PKHD1: variants seen among roughly 807,000 people sequenced by gnomAD.
PKHD1 encodes PKHD1 ciliary IPT domain containing fibrocystin/polyductin, also known as fibrocystin.
Under a neutral mutation model 412.0 loss-of-function variants are expected in PKHD1, and 291 were observed. That is an observed-to-expected ratio of 0.71 (90% CI 0.64 to 0.78). PKHD1 has a LOEUF of 0.78. Among genes scored for constraint, PKHD1 ranks in the 30% least tolerant of loss-of-function variants. PKHD1 has a pLI of 0.00. For synonymous variants in PKHD1, 1,777 were observed against 1,821.5 expected, an observed-to-expected ratio of 0.98 and a Z score of 0.62; for missense variants, 4,825 against 4,950.7, an observed-to-expected ratio of 0.97 and a Z score of 0.76.
At chr6:51,871,852 A>T (rs1184529933) in intron 46 of PKHD1, among the ~76,000 whole-genome samples, 1 of 118,022 alleles carries the variant, frequency 8.5e-6, no homozygotes. Context: ...CACTCCCAAC[A>T]TGAAAAATGA....
At chr6:51,920,821 G>A (rs969255564) in intron 37 of PKHD1, among the ~76,000 whole-genome samples, 24 of 152,012 alleles carry the variant, frequency 1.6e-4, no homozygotes, top group African/African-American at 5.8e-4. Context: ...GTCTATTCAG[G>A]GATTCAACTT....
rs985097693 is a variant in PKHD1 at position 51,959,922 on chromosome 6, T to A, written c.5856A>T (p.Gln1952His). Reference sequence around the variant, plus strand: ...TTGTGTTAGTGTCCAGCAGAAGCAATTGGCCATTCTCCACTGTGACGTTGT... The same window carrying A: ...TTGTGTTAGTGTCCAGCAGAAGCAAATGGCCATTCTCCACTGTGACGTTGT... ...DGDNVTVENGQLLLLDTNTSI... is the reference protein window; with the variant it reads ...DGDNVTVENGHLLLLDTNTSI... The change falls in exon 36 of 67, where the codon CAA becomes CAT. Residue 1952 changes from glutamine to histidine, a missense_variant. Gln to His is a conservative substitution (Grantham distance 24, BLOSUM62 0). Transcript: ENST00000371117. The A allele has an allele frequency of 6.2e-7, 1 of 1,613,558 alleles. No individual in the cohort carries two copies. The highest frequency in any genetic ancestry group is 1.3e-5 in the African/African-American group (1 of 74,974).
intron 52 of PKHD1, among the ~76,000 whole-genome samples, chr6:51,825,436 A>C (rs907374086): frequency 6.6e-6 from 1 of 152,134 alleles, no homozygotes; most frequent in South Asian, 2.1e-4. Flanking sequence ...TCCAGCCATC[A>C]TGCTGTGAGG....
At chr6:52,049,632 A>G (rs571549921) in intron 22 of PKHD1, among the ~76,000 whole-genome samples, 159 of 152,312 alleles carry the variant, frequency 1.0e-3, no homozygotes, top group Middle Eastern at 3.4e-3. Context: ...TGCTTTGTAA[A>G]CTGTGGCTAG....
At chr6:51,734,940 T>C (rs1010655129) in intron 60 of PKHD1, among the ~76,000 whole-genome samples, 1 of 152,214 alleles carries the variant, frequency 6.6e-6, no homozygotes, top group Non-Finnish European at 1.5e-5. Flanking sequence ...GATTTTGGTA[T>C]CTGTAGGGGT....
At position 51,883,105 on chromosome 6, in the gene PKHD1, A is replaced by G; in HGVS notation, c.7338T>C (p.His2446=). The G allele has an allele frequency of 1.2e-6, 2 of 1,613,330 alleles. No homozygotes were observed. The highest frequency in any genetic ancestry group is 1.7e-6 in the Non-Finnish European group (2 of 1,179,440). Residue 2446 remains histidine, a synonymous_variant, in exon 46 of 67, where the codon CAT becomes CAC. Transcript: ENST00000371117. The part of the protein sequence containing the change: ...TSVTDSLLLG[H]FAHKGSLCMS... ...CTAAGGCACTTACCTTGTGGGCAAA[A>G]TGACCAAGTAATAAGCTGTCAGTAA...
intron 24 of PKHD1, 25 bp downstream of exon 24, chr6:52,045,979 C>A: frequency 1.3e-6 from 2 of 1,543,518 alleles, no homozygotes; most frequent in Non-Finnish European, 1.8e-6. Context: ...CAAATCCATG[C>A]CACTAGAAGG....
At chr6:51,998,150 C>T (rs916885724) in intron 35 of PKHD1, among the ~76,000 whole-genome samples, 1 of 152,198 alleles carries the variant, frequency 6.6e-6, no homozygotes, top group Non-Finnish European at 1.5e-5. Context: ...TGGCAAATCT[C>T]TTGGACAGAA....
At chr6:52,069,265 C>T (rs1471767775) in intron 11 of PKHD1, among the ~76,000 whole-genome samples, 192 bp downstream of exon 11, 3 of 152,196 alleles carry the variant, frequency 2.0e-5, no homozygotes, top group Non-Finnish European at 4.4e-5. Flanking sequence ...TATCAAGTCT[C>T]TTTTAATATA....
At chr6:51,950,709 C>T (rs949444816) in intron 36 of PKHD1, among the ~76,000 whole-genome samples, 2 of 152,080 alleles carry the variant, frequency 1.3e-5, no homozygotes, top group Non-Finnish European at 2.9e-5. Flanking sequence ...TCTAGGTGTC[C>T]GTAGGCTGGT....
chr6:51,643,394 TA>T (rs67717102), intron 63 of PKHD1, among the ~76,000 whole-genome samples: 59,104 of 148,546 alleles, frequency 0.4, 11,468 homozygotes, highest in East Asian at 0.43. Context: ...ATTAAAAAAA[TA>T]AAAAAAAAAA....
rs538566520 is a variant in PKHD1 at position 51,761,354 on chromosome 6, T to G, written c.8643-6416A>C. Among the ~76,000 whole-genome samples the G allele has an allele frequency of 2.6e-5, 4 of 152,110 alleles. No individual in the cohort carries two copies. The East Asian group carries it at 7.7e-4, about 29-fold the overall frequency. On this transcript the variant is annotated intron_variant, in intron 55 of 66. Coordinates refer to ENST00000371117, the MANE Select transcript of PKHD1 (RefSeq NM_138694.4). ...GAAGACAAATACCACATGATCTCACTTGCATGCAGAATCAAAAAGAGTGGA... is the reference window on the plus strand; with the variant it reads ...GAAGACAAATACCACATGATCTCACGTGCATGCAGAATCAAAAAGAGTGGA...
chr6:52,046,016 G>T lies in PKHD1; in HGVS notation c.2580C>A (p.Pro860=). The change falls in exon 24 of 67, where the codon CCC becomes CCA. Residue 860 remains proline, a synonymous_variant. Coordinates refer to ENST00000371117, the MANE Select transcript of PKHD1 (RefSeq NM_138694.4). ...LSWSTQIGDL[P]NFIRVSDENL... is the part of the protein sequence containing the mutation. ...ATACTATACATACCCTGATAAAATT[G>T]GGCAAATCCCCAATCTGAGTGGACC... 6.2e-7 allele frequency: 1 copy of T among 1,612,124 alleles called. No homozygotes were observed. Among genetic ancestry groups the T allele is most frequent in the Non-Finnish European group, 8.5e-7 (1 of 1,178,600 alleles).
chr6:51,937,285 T>C (rs1467730224), intron 36 of PKHD1, among the ~76,000 whole-genome samples: 3 of 152,192 alleles, frequency 2.0e-5, no homozygotes, highest in Admixed American at 6.5e-5. Flanking sequence ...CTTATATGTA[T>C]TGATTGATGT....
chr6:52,017,290 G>T, intron 34 of PKHD1, 120 bp downstream of exon 34: 2 of 775,224 alleles, frequency 2.6e-6, no homozygotes, highest in Non-Finnish European at 2.3e-6. Context: ...CTCCAAGAGA[G>T]TTGTAGCCCT....
At chr6:51,834,384 G>A (rs1179343163) in intron 51 of PKHD1, among the ~76,000 whole-genome samples, 1 of 152,096 alleles carries the variant, frequency 6.6e-6, no homozygotes, top group Non-Finnish European at 1.5e-5. Context: ...CGATGATCTG[G>A]ATGTTCTTAT....
chr6:51,975,435 T>A (rs978979810), intron 35 of PKHD1, among the ~76,000 whole-genome samples: 3 of 151,988 alleles, frequency 2.0e-5, no homozygotes, highest in Non-Finnish European at 4.4e-5. Flanking sequence ...AGAACTTCCA[T>A]AGCTCAACAA....
In PKHD1 at chr6:51,732,682, TGGTG is replaced by T. The variant is rs1206138524; in HGVS notation, c.10156+11699_10156+11702del. On this transcript the variant is annotated intron_variant, in intron 60 of 66. Transcript: ENST00000371117. ...ATGTGGAGAAACCATTGTGTACTGT[TGGTG>T]GGAATGTAAAATGGTACAGTTATTG... 3.3e-5 allele frequency among the ~76,000 whole-genome samples: 5 copies of T among 152,302 alleles called. No homozygotes were observed. In the South Asian group the frequency reaches 1.0e-3, roughly 32 times the overall value.
chr6:51,834,352 G>A (rs1768807185), intron 51 of PKHD1, among the ~76,000 whole-genome samples: 1 of 152,070 alleles, frequency 6.6e-6, no homozygotes, highest in Non-Finnish European at 1.5e-5. Context: ...AGGTCTGTGG[G>A]AAAATTTAGG....
Sources: allele counts gnomAD v4.1 joint callset (sites outside exome capture counted in the v4.1 genomes callset), GRCh38; gene constraint gnomAD v4.1.1; transcripts MANE v1.5; gene names NCBI Gene and HGNC (gene_info 2026-07-23, HGNC 2026-07-21).